DACH2: variants seen among roughly 807,000 people sequenced by gnomAD.
DACH2 encodes the protein dachshund homolog 2.
Under a neutral mutation model 35.8 loss-of-function variants are expected in DACH2, and 17 were observed. That is an observed-to-expected ratio of 0.48 (90% confidence interval 0.33 to 0.71). The LOEUF (loss-of-function observed/expected upper bound fraction) is 0.71, where lower values mean the gene tolerates loss of function less well. Among genes scored for constraint, DACH2 ranks in the 30% least tolerant of loss-of-function variants. The pLI is 0.02. For missense variants in DACH2, 469 were observed against 472.7 expected (o/e 0.99, Z 0.07); for synonymous variants, 195 against 177.3 (o/e 1.10, Z -0.79).
At chrX:86,194,742 G>T (rs1266128853) in intron 1 of DACH2, among the ~76,000 whole-genome samples, 1 of 112,582 alleles carries the variant, frequency 8.9e-6, no homozygotes, top group African/African-American at 3.2e-5. Context: ...AGGGTTTGGC[G>T]CAGGAGTGTC....
intron 2 of DACH2, among the ~76,000 whole-genome samples, chrX:86,411,923 C>T (rs2036621476): frequency 9.0e-6 from 1 of 111,037 alleles, no homozygotes; most frequent in African/African-American, 3.3e-5. Context: ...CATTTGTAAT[C>T]CTGCCTGGAT....
chrX:86,478,656 C>G (rs185638391), intron 2 of DACH2, among the ~76,000 whole-genome samples: 112 of 107,306 alleles, frequency 1.0e-3, no homozygotes, highest in African/African-American at 3.5e-3. Flanking sequence ...GTTCCCTTAT[C>G]CCCCTCACAG....
intron 1 of DACH2, among the ~76,000 whole-genome samples, chrX:86,223,082 A>C (rs1246717785): frequency 8.9e-6 from 1 of 111,954 alleles, no homozygotes; most frequent in Non-Finnish European, 1.9e-5. Context: ...TTCTGCTTAC[A>C]AAGTGAAGGG....
intron 1 of DACH2, among the ~76,000 whole-genome samples, chrX:86,244,229 A>G (rs1569314326): frequency 3.6e-5 from 4 of 112,044 alleles, no homozygotes; most frequent in Admixed American, 9.5e-5. Flanking sequence ...TTGCAGTTCT[A>G]CACTGAATTT....
rs764181900 is a variant in DACH2 at position 86,714,627 on chromosome X, G to T, written c.1011G>T (p.Met337Ile). The T allele has an allele frequency of 2.5e-6, 3 of 1,208,751 alleles. No homozygotes were observed. In the South Asian group the frequency reaches 5.3e-5, roughly 21 times the overall value. ...CTCCTGCATCAGTTGCCATGGCAATGAATCAGATGAACCATCTCAATACTA... is the reference window on the plus strand; with the variant it reads ...CTCCTGCATCAGTTGCCATGGCAATTAATCAGATGAACCATCTCAATACTA... ...SLPPASVAMA[M>I]NQMNHLNTIA... is the part of the protein sequence containing the mutation. Residue 337 changes from methionine (M) to isoleucine (I), a missense_variant, in exon 6 of 12, where the codon ATG becomes ATT. By Grantham distance (10) the Met-to-Ile change is conservative. This residue lies in a region of DACH2 where 363 missense variants were observed against 334.4 expected (regional missense o/e 1.09). Coordinates refer to ENST00000373125, the MANE Select transcript of DACH2 (RefSeq NM_053281.3).
chrX:86,785,150 G>T (rs1276479580), intron 7 of DACH2, among the ~76,000 whole-genome samples: 2 of 111,354 alleles, frequency 1.8e-5, no homozygotes, highest in African/African-American at 3.3e-5. Flanking sequence ...CAAAAACAAA[G>T]AAATAAAAGT....
At chrX:86,407,814 G>T (rs1193091340) in intron 2 of DACH2, among the ~76,000 whole-genome samples, 2 of 112,125 alleles carry the variant, frequency 1.8e-5, no homozygotes, top group Non-Finnish European at 3.8e-5. Flanking sequence ...AAGAATCTGT[G>T]ATAACTGAGC....
intron 3 of DACH2, among the ~76,000 whole-genome samples, chrX:86,514,919 C>T (rs749291588): frequency 8.1e-5 from 9 of 111,241 alleles, no homozygotes; most frequent in East Asian, 2.8e-4. Context: ...TTTCATTGAA[C>T]GCTGTGAATA....
intron 1 of DACH2, among the ~76,000 whole-genome samples, chrX:86,310,936 G>A (rs1029120486): frequency 2.5e-4 from 28 of 111,243 alleles, no homozygotes; most frequent in African/African-American, 8.8e-4. Flanking sequence ...AATGAACAAA[G>A]AGGCCATGGT....
chrX:86,512,647 G>C lies in DACH2; in HGVS notation c.528-1632G>C, dbSNP rs186685191. On this transcript the variant is annotated intron_variant, in intron 2 of 11. Coordinates refer to ENST00000373125, the MANE Select transcript of DACH2 (RefSeq NM_053281.3). ...GTGTTTAAATAAAGTTAGTAGGCTTGAGTTCTGACAAATAGAAGGACACAA... is the reference window on the plus strand; with the variant it reads ...GTGTTTAAATAAAGTTAGTAGGCTTCAGTTCTGACAAATAGAAGGACACAA... 2.7e-5 allele frequency among the ~76,000 whole-genome samples: 3 copies of C among 111,967 alleles called. No individual in the cohort carries two copies. The Admixed American group carries it at 2.9e-4, about 11-fold the overall frequency.
At chrX:86,520,535 C>A (rs1222080765) in intron 3 of DACH2, among the ~76,000 whole-genome samples, 2 of 111,416 alleles carry the variant, frequency 1.8e-5, no homozygotes, top group African/African-American at 6.5e-5. Flanking sequence ...ATGTGGGAGT[C>A]TATGTCTCTT....
intron 1 of DACH2, among the ~76,000 whole-genome samples, chrX:86,289,724 C>T (rs372194036): frequency 9.2e-6 from 1 of 108,615 alleles, no homozygotes; most frequent in East Asian, 3.0e-4. Context: ...TTCCAATTTC[C>T]TCCATGTCCC....
intron 3 of DACH2, among the ~76,000 whole-genome samples, chrX:86,556,795 T>TATATAGAGAGAGAGAG (rs1232719385): frequency 7.9e-5 from 2 of 25,309 alleles, no homozygotes; most frequent in Non-Finnish European, 1.3e-4. Flanking sequence ...TATATATATA[T>TATATAGAGAGAGAGAG]AGAGAGAGAG....
chrX:86,376,766 C>A, intron 1 of DACH2, 58 bp from the exon 2 acceptor site: 1 of 1,104,909 alleles, frequency 9.1e-7, no homozygotes, highest in Non-Finnish European at 1.2e-6. Context: ...AGCTAACTAA[C>A]CAGAACTCTC....
intron 1 of DACH2, among the ~76,000 whole-genome samples, chrX:86,302,545 T>A: frequency 9.0e-6 from 1 of 111,375 alleles, no homozygotes; most frequent in Non-Finnish European, 1.9e-5. Context: ...CTTCTGGGTG[T>A]GCTGGGAAGA....
At chrX:86,407,741 A>G (rs2036548224) in intron 2 of DACH2, among the ~76,000 whole-genome samples, 1 of 111,848 alleles carries the variant, frequency 8.9e-6, no homozygotes, top group Admixed American at 9.5e-5. Context: ...TGAGAAGGAT[A>G]GGCAGAGCAT....
intron 2 of DACH2, among the ~76,000 whole-genome samples, chrX:86,396,878 T>G (rs1314091759): frequency 9.0e-6 from 1 of 110,972 alleles, no homozygotes; most frequent in Non-Finnish European, 1.9e-5. Context: ...GCGGGCTCTT[T>G]TTTGGTTCCA....
intron 1 of DACH2, among the ~76,000 whole-genome samples, chrX:86,299,606 A>G (rs995887203): frequency 1.8e-5 from 2 of 112,296 alleles, no homozygotes; most frequent in African/African-American, 6.5e-5. Flanking sequence ...TGTTTTACCT[A>G]CAATGGGGAA....
At chrX:86,379,326 A>G (rs1415728285) in intron 2 of DACH2, among the ~76,000 whole-genome samples, 2 of 110,536 alleles carry the variant, frequency 1.8e-5, no homozygotes, top group African/African-American at 6.6e-5. Context: ...ATTAAAAGGT[A>G]ACTGTTTGAC....
Sources: gnomAD v4.1 joint callset for allele counts (sites outside exome capture counted in the v4.1 genomes callset) on GRCh38, gnomAD v4.1.1 for gene constraint, gnomAD v4.1.1 regional missense constraint, MANE v1.5 for transcripts, NCBI Gene and HGNC (gene_info 2026-07-23, HGNC 2026-07-21) for gene names.